Variants in FASTKD3 observed in about 807,000 individuals in gnomAD.
The protein encoded by FASTKD3 is FAST kinase domain-containing protein 3, mitochondrial.
A neutral mutation model predicts 49.7 loss-of-function variants in FASTKD3; 47 were observed. The observed-to-expected ratio is 0.95, with a 90% CI of 0.75 to 1.21. The LOEUF (loss-of-function observed/expected upper bound fraction) is 1.21. Ranked by LOEUF, FASTKD3 falls within the 50% of genes most tolerant of loss-of-function variation. The pLI is 0.00. For synonymous variants in FASTKD3, 284 were observed against 288.6 expected (o/e 0.98, Z 0.16); for missense variants, 748 against 765.7 (o/e 0.98, Z 0.27).
chr5:7,868,192 A>T lies in FASTKD3; in HGVS notation c.-109T>A. 1.1e-5 allele frequency: 4 copies of T among 359,438 alleles called. No individual in the cohort carries two copies. The highest frequency in any genetic ancestry group is 1.4e-5 in the Non-Finnish European group (3 of 215,286). 22.3% of individuals were successfully genotyped at this position (359,438 alleles called of 1,614,324 possible). On this transcript the variant is annotated 5_prime_UTR_variant, in exon 2 of 7. Coordinates refer to ENST00000264669, the MANE Select transcript of FASTKD3 (RefSeq NM_024091.4). ...ATCAATGTTTATGAAACTACAAACG[A>T]GTATCTGGAAAAAAAAAAAAAAAAA...
At chr5:7,863,059 TGAA>T in intron 3 of FASTKD3, 62 bp from the exon 4 acceptor site, 1 of 1,452,738 alleles carries the variant, frequency 6.9e-7, no homozygotes, top group Non-Finnish European at 9.5e-7. Flanking sequence ...GAGAATAAAT[TGAA>T]GGTTACCTAG....
chr5:7,865,170 C>T (rs1000390070), intron 3 of FASTKD3, among the ~76,000 whole-genome samples: 2 of 152,000 alleles, frequency 1.3e-5, no homozygotes, highest in South Asian at 2.1e-4. Flanking sequence ...TACATTTGGG[C>T]GTAGAAACTG....
rs775863681 is a variant in FASTKD3 at position 7,866,781 on chromosome 5, C to T, written c.1303G>A (p.Val435Met). ...AAATAATTGAAATGAGTGAATAGCA[C>T]GTTTTCCAGCTTTCTAAATAAAGCA... Reference protein sequence around the residue: ...ASALFRKLENVLFTHFNYFPP... With the variant: ...ASALFRKLENMLFTHFNYFPP... Residue 435 changes from valine to methionine, a missense_variant, in exon 2 of 7, where the codon GTG becomes ATG. Val to Met is a conservative substitution (Grantham distance 21). This residue lies in a region of FASTKD3 where 564 missense variants were observed against 562.8 expected (regional missense o/e 1.00). Coordinates refer to ENST00000264669, the MANE Select transcript of FASTKD3 (RefSeq NM_024091.4). 7 of 1,613,986 alleles carry T rather than the reference C, an allele frequency of 4.3e-6. No individual in the cohort carries two copies. The highest frequency in any genetic ancestry group is 2.2e-5 in the East Asian group (1 of 44,898).
At chr5:7,863,266 TA>T in intron 3 of FASTKD3, 1 of 404,024 alleles carries the variant, frequency 2.5e-6, no homozygotes, top group Non-Finnish European at 4.4e-6. Context: ...AGAAGGAAGG[TA>T]AAAAGGAGTG....
In FASTKD3 at chr5:7,859,283, G is replaced by C. The variant is rs771492424; in HGVS notation, c.*152C>G. ...AATTTTAAATTTTACCACAATAAATGTATACATAGTATAAGGAAAACTACA... is the reference window on the plus strand; with the variant it reads ...AATTTTAAATTTTACCACAATAAATCTATACATAGTATAAGGAAAACTACA... On this transcript the variant is annotated 3_prime_UTR_variant, in exon 7 of 7. Transcript: ENST00000264669. 9 of 434,466 alleles carry C rather than the reference G, an allele frequency of 2.1e-5. No individual in the cohort carries two copies. Among genetic ancestry groups the C allele is most frequent in the African/African-American group, 4.1e-5 (2 of 49,084 alleles). The allele number at this position is 434,466 out of a possible 1,614,324, so 26.9% of individuals were successfully genotyped here. A position where few individuals can be genotyped will look rare whatever the true frequency, so the allele number is the denominator to read the frequency against.
At position 7,862,913 on chromosome 5, in the gene FASTKD3, A is replaced by G. The variant is rs1267555427; in HGVS notation, c.1609T>C (p.Tyr537His). The change falls in exon 4 of 7, where the codon TAT becomes CAT. Residue 537 changes from tyrosine (Y) to histidine (H), a missense_variant. Transcript: ENST00000264669. ...SLETPVDSQL[Y>H]RYVKIGLTNL... ...GTCAGCCCAATCTTCACATATCTAT[A>G]AAGCTGAGAATCCACAGGGGTCTCC... The G allele has an allele frequency of 2.5e-6, 4 of 1,614,016 alleles. No homozygotes were observed. Among genetic ancestry groups the G allele is most frequent in the Admixed American group, 3.3e-5 (2 of 60,008 alleles).
intron 1 of FASTKD3, 25 bp downstream of exon 1, chr5:7,868,954 G>A (rs368617086): frequency 5.6e-4 from 404 of 725,964 alleles, no homozygotes; most frequent in Non-Finnish European, 8.7e-4. Flanking sequence ...GACCAACTGC[G>A]CGGAGACCCC....
At chr5:7,865,577 C>T (rs561551818) in intron 3 of FASTKD3, among the ~76,000 whole-genome samples, 1 of 152,176 alleles carries the variant, frequency 6.6e-6, no homozygotes, top group Non-Finnish European at 1.5e-5. Context: ...TGATAACAAA[C>T]AGCTATGGGA....
Position 7,867,017 on chromosome 5 carries a change from T to TCTA in FASTKD3, c.1064_1066dup (p.Leu355_Glu356insVal). 3 of 1,614,162 alleles carry TCTA rather than the reference T, an allele frequency of 1.9e-6. No homozygotes were observed. Among genetic ancestry groups the TCTA allele is most frequent in the Non-Finnish European group, 2.5e-6 (3 of 1,180,022 alleles). ...GAGGCACACCGCAGCTACACGATGC[T>TCTA]CTAGGGCTTTTGTAAAAAATGTGTC... is the stretch of plus-strand genomic sequence containing the variant. On this transcript the variant is annotated inframe_insertion, in exon 2 of 7. Coordinates refer to ENST00000264669, the MANE Select transcript of FASTKD3 (RefSeq NM_024091.4).
chr5:7,866,216 T>C (rs1326631735), intron 2 of FASTKD3, among the ~76,000 whole-genome samples: 2 of 152,020 alleles, frequency 1.3e-5, no homozygotes, highest in South Asian at 4.1e-4. Context: ...AGATAAAATA[T>C]GTTCACAGAA....
At chr5:7,866,625 C>A in intron 2 of FASTKD3, 21 bp downstream of exon 2, 1 of 1,532,054 alleles carries the variant, frequency 6.5e-7, no homozygotes, top group South Asian at 1.3e-5. Context: ...TTCCAACTGT[C>A]AGAATTTATA....
chr5:7,863,707 T>G (rs66759079), intron 3 of FASTKD3, among the ~76,000 whole-genome samples: 42,458 of 152,102 alleles, frequency 0.28, 6,326 homozygotes, highest in Middle Eastern at 0.38. Context: ...TGGTTATTTA[T>G]TTGGAAAATA....
At position 7,861,247 on chromosome 5, in the gene FASTKD3, C is replaced by T; in HGVS notation, c.1786G>A (p.Asp596Asn). Residue 596 changes from aspartate (D) to asparagine (N), a missense_variant, in exon 6 of 7, where the codon GAT becomes AAT. Physicochemically the swap from Asp to Asn is conservative, Grantham distance 23 (BLOSUM62 1). Coordinates refer to ENST00000264669, the MANE Select transcript of FASTKD3 (RefSeq NM_024091.4). ...TTGGAGCAAAACCTTTTTGGACCAT[C>T]AATACACAGTGCTATCCTGAAAAAT... ...DIHKRIALCI[D>N]GPKRFCSNSK... 6.2e-7 allele frequency: 1 copy of T among 1,602,394 alleles called. No homozygotes were observed.
chr5:7,862,362 C>T (rs1746613144), intron 4 of FASTKD3, among the ~76,000 whole-genome samples: 1 of 152,078 alleles, frequency 6.6e-6, no homozygotes, highest in Non-Finnish European at 1.5e-5. Context: ...GGCTACTGAG[C>T]ACTTACAATG....
In FASTKD3 at chr5:7,867,580, CT is replaced by C. The variant is rs1561112119; in HGVS notation, c.503del (p.Lys168ArgfsTer11). 6.2e-7 allele frequency: 1 copy of C among 1,614,254 alleles called. No homozygotes were observed. The highest frequency in any genetic ancestry group is 1.7e-5 in the Admixed American group (1 of 60,026). ...TAGTGTTTGACAGCTGTGAGGGCTC[CT>C]TTTCAAACTGAAAGCATAAAGCTTG... ...IFQALCFQFEKEPSQLSNTSL... is the reference protein window; with the variant it reads ...IFQALCFQFEXEPSQLSNTSL... On this transcript the variant is annotated frameshift_variant, in exon 2 of 7. Transcript: ENST00000264669. LOFTEE classifies it high-confidence loss of function.
In FASTKD3 at chr5:7,868,021, A is replaced by C; in HGVS notation, c.63T>G (p.Ala21=). 1 of 1,613,866 alleles carries C rather than the reference A, an allele frequency of 6.2e-7. No individual in the cohort carries two copies. The highest frequency in any genetic ancestry group is 8.5e-7 in the Non-Finnish European group (1 of 1,179,996). The change falls in exon 2 of 7, where the codon GCT becomes GCG. Residue 21 remains alanine (A), a synonymous_variant. Transcript: ENST00000264669. ...YRLSDFQMHR[A]LAALKNKPLN... ...GAGGTTTATTTTTTAAAGCAGCCAG[A>C]GCTCTATGCATCTGAAAATCAGATA...
At position 7,866,777 on chromosome 5, in the gene FASTKD3, AG is replaced by A. The variant is rs1448517582; in HGVS notation, c.1306del (p.Leu436TyrfsTer14). On this transcript the variant is annotated frameshift_variant, in exon 2 of 7. Transcript: ENST00000264669. LOFTEE classifies it high-confidence loss of function. ...TGGAAAATAATTGAAATGAGTGAAT[AG>A]CACGTTTTCCAGCTTTCTAAATAAA... ...SALFRKLENV[L>X]FTHFNYFPPK... 9.9e-6 allele frequency: 16 copies of A among 1,614,192 alleles called. No homozygotes were observed. The highest frequency in any genetic ancestry group is 1.4e-5 in the Non-Finnish European group (16 of 1,179,994).
In FASTKD3 at chr5:7,867,849, G is replaced by C. The variant is rs774567361; in HGVS notation, c.235C>G (p.Pro79Ala). 2.5e-6 allele frequency: 4 copies of C among 1,614,132 alleles called. No homozygotes were observed. The East Asian group carries it at 8.9e-5, about 36-fold the overall frequency. ...CAGTCAGATACTTGAGAGAACACTGGTCCACCGAGTGGATGAAGGTCATTT... is the reference window on the plus strand; with the variant it reads ...CAGTCAGATACTTGAGAGAACACTGCTCCACCGAGTGGATGAAGGTCATTT... ...NGNDLHPLGG[P>A]VFSQVSDCDR... is the part of the protein sequence containing the mutation. The change falls in exon 2 of 7, where the codon CCA becomes GCA. Residue 79 changes from proline (P) to alanine (A), a missense_variant. Physicochemically the swap from Pro to Ala is conservative, Grantham distance 27. This residue lies in a region of FASTKD3 where 564 missense variants were observed against 562.8 expected (regional missense o/e 1.00). Coordinates refer to ENST00000264669, the MANE Select transcript of FASTKD3 (RefSeq NM_024091.4).
At position 7,867,941 on chromosome 5, in the gene FASTKD3, C is replaced by T. The variant is rs1483812326; in HGVS notation, c.143G>A (p.Arg48Gln). 1.9e-6 allele frequency: 3 copies of T among 1,613,962 alleles called. No individual in the cohort carries two copies. Among genetic ancestry groups the T allele is most frequent in the Non-Finnish European group, 2.5e-6 (3 of 1,179,998 alleles). ...TTTGACCCCGAAAGGCTCAGGTTGTCGTGAACACAACCAAGGGCACAGACG... is the reference window on the plus strand; with the variant it reads ...TTTGACCCCGAAAGGCTCAGGTTGTTGTGAACACAACCAAGGGCACAGACG... Reference protein sequence around the residue: ...KERLCPWLCSRQPEPFGVKFH... With the variant: ...KERLCPWLCSQQPEPFGVKFH... The change falls in exon 2 of 7, where the codon CGA (arginine) becomes CAA (glutamine). Residue 48 changes from arginine (R) to glutamine (Q), a missense_variant. Physicochemically the swap from Arg to Gln is conservative, Grantham distance 43. Around this residue, in one of 3 missense-constraint regions of FASTKD3, gnomAD observed 564 missense variants for 562.8 expected, o/e 1.00. Coordinates refer to ENST00000264669, the MANE Select transcript of FASTKD3 (RefSeq NM_024091.4).
Sources: allele counts gnomAD v4.1 joint callset (sites outside exome capture counted in the v4.1 genomes callset), GRCh38; gene constraint gnomAD v4.1.1; regional missense constraint gnomAD v4.1.1; transcripts MANE v1.5; gene names NCBI Gene and HGNC (gene_info 2026-07-23, HGNC 2026-07-21).